The following ROBO2 variants were observed in gnomAD, a reference collection of about 807,000 sequenced individuals.
The protein encoded by ROBO2 is roundabout homolog 2.
A neutral mutation model predicts 160.8 loss-of-function variants in ROBO2; 53 were observed. That is an observed-to-expected ratio of 0.33 (90% confidence interval 0.26 to 0.41). ROBO2 has a LOEUF of 0.41. ROBO2 is among the 10% of genes least tolerant of loss of function. The pLI is 1.00. For missense variants in ROBO2, 1,577 were observed against 1,722.4 expected (o/e 0.92, Z 1.49); for synonymous variants, 664 against 611.7 (o/e 1.09, Z -1.26).
At chr3:76,865,951 G>A (rs1395556068) in intron 2 of ROBO2, among the ~76,000 whole-genome samples, 4 of 151,924 alleles carry the variant, frequency 2.6e-5, no homozygotes, top group East Asian at 1.9e-4. Flanking sequence ...CATAAAAATC[G>A]AGCTACTTAT....
At chr3:76,583,000 G>A (rs2085798272) in intron 2 of ROBO2, among the ~76,000 whole-genome samples, 1 of 150,600 alleles carries the variant, frequency 6.6e-6, no homozygotes, top group South Asian at 2.1e-4. Context: ...TGTTTCCTTG[G>A]TGTGTGTTTA....
intron 2 of ROBO2, among the ~76,000 whole-genome samples, chr3:76,355,679 A>C (rs2075119894): frequency 6.6e-6 from 1 of 151,826 alleles, no homozygotes; most frequent in Non-Finnish European, 1.5e-5. Context: ...GGATAAATAA[A>C]AAATTCTTAA....
chr3:76,175,973 T>A, intron 2 of ROBO2, among the ~76,000 whole-genome samples: 1 of 152,106 alleles, frequency 6.6e-6, no homozygotes, highest in East Asian at 1.9e-4. Context: ...AGCCAGAATT[T>A]TTTATTTTTT....
intron 2 of ROBO2, among the ~76,000 whole-genome samples, chr3:76,899,735 T>G (rs1025845325): frequency 6.6e-6 from 1 of 152,242 alleles, no homozygotes; most frequent in South Asian, 2.1e-4. Context: ...TTCTCTTCCC[T>G]CCTCTGAGGT....
At chr3:76,814,512 T>G (rs2109036053) in intron 2 of ROBO2, among the ~76,000 whole-genome samples, 1 of 152,234 alleles carries the variant, frequency 6.6e-6, no homozygotes, top group South Asian at 2.1e-4. Context: ...CCACTATGGC[T>G]AATAGGAAGC....
intron 2 of ROBO2, among the ~76,000 whole-genome samples, chr3:76,423,582 C>A (rs2076084769): frequency 1.3e-5 from 2 of 151,890 alleles, no homozygotes; most frequent in Admixed American, 1.3e-4. Context: ...CAGGGAGCAA[C>A]CAAGAGAAAT....
intron 2 of ROBO2, among the ~76,000 whole-genome samples, chr3:76,063,164 T>G (rs114486829): frequency 6.6e-6 from 1 of 152,148 alleles, no homozygotes; most frequent in South Asian, 2.1e-4. Flanking sequence ...AAAGAGGGAA[T>G]GAGTCACCGT....
chr3:76,244,322 G>A lies in ROBO2; in HGVS notation c.109+306720G>A, dbSNP rs193228948. ...CCTAGGGGTGATGAAGTAATTTGGTGCTATGTCCCCTTTCTGGGTCCTGTG... is the reference window on the plus strand; with the variant it reads ...CCTAGGGGTGATGAAGTAATTTGGTACTATGTCCCCTTTCTGGGTCCTGTG... On this transcript the variant is annotated intron_variant, in intron 2 of 26. Transcript: ENST00000487694. Among the ~76,000 whole-genome samples, 12 of 152,244 alleles carry A rather than the reference G, an allele frequency of 7.9e-5. No homozygotes were observed. The South Asian group carries it at 8.3e-4, about 11-fold the overall frequency.
At chr3:77,248,623 C>T (rs1454546439) in intron 2 of ROBO2, among the ~76,000 whole-genome samples, 1 of 152,186 alleles carries the variant, frequency 6.6e-6, no homozygotes, top group Non-Finnish European at 1.5e-5. Context: ...CGCTCACCTG[C>T]GCCCCCTCCC....
chr3:77,008,845 T>G (rs2061719366), intron 2 of ROBO2, among the ~76,000 whole-genome samples: 1 of 152,182 alleles, frequency 6.6e-6, no homozygotes, highest in African/African-American at 2.4e-5. Context: ...AAGCAGAGAA[T>G]TTGTTCTTCT....
At chr3:77,311,478 T>G (rs953456056) in intron 2 of ROBO2, among the ~76,000 whole-genome samples, 1 of 152,240 alleles carries the variant, frequency 6.6e-6, no homozygotes, top group African/African-American at 2.4e-5. Flanking sequence ...GATCTAATGC[T>G]AAGTTCATCA....
chr3:76,245,748 C>T (rs958999387), intron 2 of ROBO2, among the ~76,000 whole-genome samples: 1 of 152,118 alleles, frequency 6.6e-6, no homozygotes, highest in Non-Finnish European at 1.5e-5. Context: ...ATTATTCTCT[C>T]TAGCCATTGC....
chr3:76,525,409 G>C (rs1415391059), intron 2 of ROBO2, among the ~76,000 whole-genome samples: 1 of 151,840 alleles, frequency 6.6e-6, no homozygotes, highest in Non-Finnish European at 1.5e-5. Flanking sequence ...TTTTGTCTCT[G>C]ACAGTTTAAT....
chr3:76,354,973 A>G (rs1576621387), intron 2 of ROBO2, among the ~76,000 whole-genome samples: 2 of 151,730 alleles, frequency 1.3e-5, no homozygotes, highest in Middle Eastern at 6.8e-3. Flanking sequence ...ATATTTTGTT[A>G]AGCATTTGAA....
intron 2 of ROBO2, among the ~76,000 whole-genome samples, chr3:77,369,274 T>G (rs2071399957): frequency 6.6e-6 from 1 of 152,160 alleles, no homozygotes; most frequent in South Asian, 2.1e-4. Flanking sequence ...CAAAATTTAA[T>G]GAAGTCCTCA....
intron 2 of ROBO2, among the ~76,000 whole-genome samples, chr3:77,399,935 G>A (rs2075641548): frequency 1.3e-5 from 2 of 152,108 alleles, no homozygotes; most frequent in Non-Finnish European, 2.9e-5. Context: ...TATGATGCAG[G>A]TTGAAATCTG....
At position 76,586,773 on chromosome 3, in the gene ROBO2, G is replaced by A. The variant is rs1322853416; in HGVS notation, c.110-511241G>A. Among the ~76,000 whole-genome samples the A allele has an allele frequency of 3.3e-5, 5 of 152,254 alleles. No individual in the cohort carries two copies. In the East Asian group the frequency reaches 9.7e-4, roughly 29 times the overall value. ...TGCAAGCACTTGTCATGCACTATGA[G>A]GTTTTACTTTAAGCTAAAGTGCACT... On this transcript the variant is annotated intron_variant, in intron 2 of 26. Coordinates refer to the ROBO2 transcript ENST00000487694.
chr3:76,170,531 T>C (rs374728854), intron 2 of ROBO2, among the ~76,000 whole-genome samples: 1 of 152,156 alleles, frequency 6.6e-6, no homozygotes, highest in Admixed American at 6.6e-5. Flanking sequence ...AAATTAGACA[T>C]CATTACAGTG....
intron 2 of ROBO2, among the ~76,000 whole-genome samples, chr3:77,219,021 T>C (rs1426956025): frequency 1.3e-5 from 2 of 152,156 alleles, no homozygotes; most frequent in Non-Finnish European, 2.9e-5. Flanking sequence ...CGGGCTGGAT[T>C]GCAGTGGTGC....
Sources: gnomAD v4.1 joint callset for allele counts (sites outside exome capture counted in the v4.1 genomes callset) on GRCh38, gnomAD v4.1.1 for gene constraint, MANE v1.5 for transcripts, NCBI Gene and HGNC (gene_info 2026-07-23, HGNC 2026-07-21) for gene names.